Variants in SCFD1 observed in about 807,000 individuals in gnomAD.
SCFD1 encodes the protein sec1 family domain-containing protein 1.
A neutral mutation model predicts 103.2 loss-of-function variants in SCFD1; 37 were observed. The observed-to-expected ratio is 0.36, with a 90% CI of 0.28 to 0.47. SCFD1 has a LOEUF of 0.47. Among genes scored for constraint, SCFD1 ranks in the 20% least tolerant of loss-of-function variants. The probability of loss-of-function intolerance (pLI) is 1.00; values close to 1 mark genes in which losing one functional copy is unlikely to be tolerated. For missense variants in SCFD1, 639 were observed against 761.2 expected, an observed-to-expected ratio of 0.84 and a Z score of 1.89; for synonymous variants, 264 against 245.0, an observed-to-expected ratio of 1.08 and a Z score of -0.73.
At chr14:30,719,574 A>T (rs1892512580) in intron 21 of SCFD1, among the ~76,000 whole-genome samples, 197 bp downstream of exon 21, 1 of 152,176 alleles carries the variant, frequency 6.6e-6, no homozygotes. Flanking sequence ...CCTTCCACAT[A>T]TACACACACA....
chr14:30,668,185 T>C (rs1249837762), intron 10 of SCFD1, among the ~76,000 whole-genome samples: 1 of 152,186 alleles, frequency 6.6e-6, no homozygotes, highest in African/African-American at 2.4e-5. Flanking sequence ...AGCATGGTAC[T>C]GGTACCAAAA....
intron 8 of SCFD1, 37 bp downstream of exon 8, chr14:30,649,620 A>G: frequency 6.9e-7 from 1 of 1,458,760 alleles, no homozygotes; most frequent in Non-Finnish European, 9.3e-7. Flanking sequence ...GATAAATAAC[A>G]TTGTGTGAAT....
At position 30,704,028 on chromosome 14, in the gene SCFD1, C is replaced by T. The variant is rs137857764; in HGVS notation, c.1490+1653C>T. ...AAAAAATCAATTATTGTCTCATATG[C>T]ATAGCCTAAAGGTAATTTTATCAAT... On this transcript the variant is annotated intron_variant, in intron 17 of 24. Coordinates refer to ENST00000458591, the MANE Select transcript of SCFD1 (RefSeq NM_016106.4). 2.8e-3 allele frequency among the ~76,000 whole-genome samples: 403 copies of T among 143,376 alleles called. 3 individuals carry two copies. The highest frequency in any genetic ancestry group is 9.7e-3 in the African/African-American group (381 of 39,236). The allele number at this position is 143,376 out of a possible 152,430, so 94.1% of individuals were successfully genotyped here.
At chr14:30,638,413 T>A (rs895281254) in intron 5 of SCFD1, among the ~76,000 whole-genome samples, 166 bp downstream of exon 5, 2 of 152,202 alleles carry the variant, frequency 1.3e-5, no homozygotes, top group East Asian at 3.8e-4. Flanking sequence ...TATATTCAAG[T>A]TGAACTAGGC....
chr14:30,628,379 T>C (rs1324833907), intron 2 of SCFD1, 100 bp downstream of exon 2: 3 of 699,168 alleles, frequency 4.3e-6, no homozygotes, highest in East Asian at 5.3e-5. Flanking sequence ...GTAACACATA[T>C]TAGTTATCAT....
At chr14:30,699,012 C>G (rs1160489141) in intron 15 of SCFD1, among the ~76,000 whole-genome samples, 1 of 152,164 alleles carries the variant, frequency 6.6e-6, no homozygotes, top group Non-Finnish European at 1.5e-5. Flanking sequence ...GGAAGAATAA[C>G]CTACGGAAGG....
intron 20 of SCFD1, among the ~76,000 whole-genome samples, chr14:30,717,381 G>A (rs559711513): frequency 6.5e-4 from 99 of 152,234 alleles, no homozygotes; most frequent in Non-Finnish European, 1.0e-3. Flanking sequence ...GGAGGCTGAG[G>A]TGGGAGGATC....
intron 7 of SCFD1, among the ~76,000 whole-genome samples, chr14:30,646,037 T>C (rs1488071291): frequency 6.6e-6 from 1 of 152,166 alleles, no homozygotes; most frequent in African/African-American, 2.4e-5. Flanking sequence ...TTTTTTTTGT[T>C]TTTGTTTTAG....
In SCFD1 at chr14:30,708,026, T is replaced by G; in HGVS notation, c.1590T>G (p.Phe530Leu). 1 of 1,613,446 alleles carries G rather than the reference T, an allele frequency of 6.2e-7. No individual in the cohort carries two copies. The change falls in exon 19 of 25, where the codon TTT becomes TTG. Residue 530 changes from phenylalanine (F) to leucine (L), a missense_variant. Phe to Leu is a conservative substitution (Grantham distance 22). Transcript: ENST00000458591. Reference sequence around the variant, plus strand: ...GAGTCATGAATACAGGATCACAGTTTGTGATGGAAGGAGTGAAGAACCTGG... The same window carrying G: ...GAGTCATGAATACAGGATCACAGTTGGTGATGGAAGGAGTGAAGAACCTGG... ...LSRVMNTGSQ[F>L]VMEGVKNLVL...
At chr14:30,714,205 T>C (rs1204856352) in intron 19 of SCFD1, among the ~76,000 whole-genome samples, 1 of 129,756 alleles carries the variant, frequency 7.7e-6, no homozygotes, top group Non-Finnish European at 1.6e-5. Flanking sequence ...AAAAAAAAAA[T>C]TAGCCGGGCG....
intron 23 of SCFD1, among the ~76,000 whole-genome samples, chr14:30,723,696 G>C (rs1179971625): frequency 1.3e-5 from 2 of 152,134 alleles, no homozygotes; most frequent in Admixed American, 6.6e-5. Flanking sequence ...ATGGCCTGCA[G>C]CTCCATCTAT....
At chr14:30,625,690 T>G (rs542957650) in intron 1 of SCFD1, among the ~76,000 whole-genome samples, 2 of 151,672 alleles carry the variant, frequency 1.3e-5, no homozygotes, top group African/African-American at 4.9e-5. Context: ...TAGGTATACC[T>G]ATATAGGTAT....
chr14:30,657,078 A>T (rs1421054791), intron 10 of SCFD1, among the ~76,000 whole-genome samples: 1 of 152,106 alleles, frequency 6.6e-6, no homozygotes, highest in Admixed American at 6.5e-5. Flanking sequence ...TAGCATACAG[A>T]TCACGGGTGC....
Position 30,628,191 on chromosome 14 carries a change from A to G in SCFD1, c.62-18A>G. ...CTAAAAAACAATGACAATATTTGAT[A>G]AAACTTTTTATTTTCAGTGGCTTTG... On this transcript the variant is annotated intron_variant, in intron 1 of 24. Transcript: ENST00000458591. The G allele has an allele frequency of 6.3e-7, 1 of 1,584,666 alleles. No homozygotes were observed. The highest frequency in any genetic ancestry group is 8.6e-7 in the Non-Finnish European group (1 of 1,160,244).
At chr14:30,622,448 CATCCTTCTCCTCTGGTGCGT>C in intron 1 of SCFD1, 49 bp downstream of exon 1, 1 of 1,547,506 alleles carries the variant, frequency 6.5e-7, no homozygotes, top group Non-Finnish European at 8.7e-7. Flanking sequence ...GCCCCGACGA[CATCCTTCTCCTCTGGTGCGT>C]GCAGCTCAGA....
intron 21 of SCFD1, among the ~76,000 whole-genome samples, chr14:30,720,700 G>C (rs1892595720): frequency 1.3e-5 from 2 of 152,014 alleles, no homozygotes; most frequent in African/African-American, 4.8e-5. Flanking sequence ...CATTATATTA[G>C]GTATCATAAG....
chr14:30,668,280 C>T (rs1189402520), intron 10 of SCFD1, among the ~76,000 whole-genome samples: 2 of 152,154 alleles, frequency 1.3e-5, no homozygotes, highest in East Asian at 3.9e-4. Context: ...ACAAACCTGA[C>T]AAAAACAAGA....
At chr14:30,720,989 T>C (rs1892613733) in intron 21 of SCFD1, among the ~76,000 whole-genome samples, 2 of 152,194 alleles carry the variant, frequency 1.3e-5, no homozygotes, top group Non-Finnish European at 2.9e-5. Context: ...CAGAGCCTTC[T>C]CCTGAGCTAT....
chr14:30,694,424 C>T (rs1890542731), intron 14 of SCFD1, among the ~76,000 whole-genome samples: 1 of 151,976 alleles, frequency 6.6e-6, no homozygotes, highest in Non-Finnish European at 1.5e-5. Context: ...TGTAATCCCG[C>T]ACTTTGGGAG....
Sources: gnomAD v4.1 joint callset for allele counts (sites outside exome capture counted in the v4.1 genomes callset) on GRCh38, gnomAD v4.1.1 for gene constraint, MANE v1.5 for transcripts, NCBI Gene and HGNC (gene_info 2026-07-23, HGNC 2026-07-21) for gene names.